SLC25A48: variants seen among roughly 807,000 people sequenced by gnomAD.
SLC25A48 encodes solute carrier family 25 member 48.
SLC25A48 carries 29 observed loss-of-function variants against 32.2 expected under a neutral mutation model. The observed-to-expected ratio is 0.90, with a 90% confidence interval of 0.67 to 1.23. The LOEUF (loss-of-function observed/expected upper bound fraction) is 1.23. SLC25A48 is among the 50% of genes most tolerant of loss of function. The pLI is 0.00. For missense variants in SLC25A48, 399 were observed against 422.7 expected (o/e 0.94, Z 0.49); for synonymous variants, 164 against 172.3 (o/e 0.95, Z 0.38).
At chr5:135,667,324 T>A (rs540049431) in intron 3 of SLC25A48, among the ~76,000 whole-genome samples, 3 of 152,350 alleles carry the variant, frequency 2.0e-5, no homozygotes, top group African/African-American at 7.2e-5. Flanking sequence ...ATTGCCTGCG[T>A]GTCCTGCAAA....
intron 1 of SLC25A48, among the ~76,000 whole-genome samples, chr5:135,623,237 C>A (rs901383576): frequency 2.0e-5 from 3 of 152,126 alleles, no homozygotes; most frequent in African/African-American, 7.2e-5. Context: ...CTTGGGAAGC[C>A]CTGAGGTTGC....
intron 1 of SLC25A48, among the ~76,000 whole-genome samples, chr5:135,607,540 C>T (rs1751967237): frequency 6.6e-6 from 1 of 152,142 alleles, no homozygotes; most frequent in South Asian, 2.1e-4. Context: ...AAACTTTACT[C>T]TAGAATGAGA....
intron 3 of SLC25A48, among the ~76,000 whole-genome samples, chr5:135,762,716 T>C (rs188235343): frequency 0.017 from 2,662 of 152,180 alleles, 63 homozygotes; most frequent in African/African-American, 0.051. Context: ...TGTGTGCGTG[T>C]GTAAGTTGAA....
rs147072124 is a variant in SLC25A48, at chr5:135,713,000, C to T, written c.-521+78044C>T. Among the ~76,000 whole-genome samples the T allele has an allele frequency of 2.3e-3, 353 of 152,300 alleles. 2 individuals are homozygous for T. The highest frequency in any genetic ancestry group is 8.3e-3 in the African/African-American group (343 of 41,540). ...TTATCCATCCTATGTTCCCCTTCTG[C>T]CAAATTCTGCAATCAGCTGATCTGA... On this transcript the variant is annotated intron_variant, in intron 3 of 10. Transcript: ENST00000646290.
chr5:135,690,551 C>G (rs1053736153), intron 3 of SLC25A48, among the ~76,000 whole-genome samples: 6 of 152,324 alleles, frequency 3.9e-5, no homozygotes, highest in African/African-American at 1.2e-4. Context: ...TTAGCTACTG[C>G]TCTGCTATGA....
rs1276360087 is a variant in SLC25A48, at chr5:135,629,023, A to C, written c.-848-214A>C. Among the ~76,000 whole-genome samples the C allele has an allele frequency of 2.0e-5, 3 of 152,212 alleles. No individual in the cohort carries two copies. Among genetic ancestry groups the C allele is most frequent in the Admixed American group, 2.0e-4 (3 of 15,286 alleles). Reference sequence around the variant, plus strand: ...TGGTGCTAGGTTAATTTCCAGAATTAGGCTACAGTCCCTTTTCATAAATTC... The same window carrying C: ...TGGTGCTAGGTTAATTTCCAGAATTCGGCTACAGTCCCTTTTCATAAATTC... On this transcript the variant is annotated intron_variant, in intron 1 of 10. Coordinates refer to the SLC25A48 transcript ENST00000646290. This position sits in a 1 kb window ranked among gnomAD's most constrained non-coding sequence, Gnocchi z 4.8.
Position 135,733,237 on chromosome 5 carries a change from C to T in SLC25A48, c.-520-79286C>T, listed in dbSNP as rs577819536. On this transcript the variant is annotated intron_variant, in intron 3 of 10. Coordinates refer to the SLC25A48 transcript ENST00000646290. ...ATACTATAGCATAGCCTGCCTTTGC[C>T]GGTGAGTGGCGATTAGGCCTGGTGG... Among the ~76,000 whole-genome samples, 383 of 152,226 alleles carry T rather than the reference C, an allele frequency of 2.5e-3. 1 individual carries two copies. Among genetic ancestry groups the T allele is most frequent in the African/African-American group, 7.9e-3 (330 of 41,532 alleles).
At chr5:135,761,032 G>C (rs927910941) in intron 3 of SLC25A48, among the ~76,000 whole-genome samples, 5 of 152,218 alleles carry the variant, frequency 3.3e-5, no homozygotes, top group South Asian at 2.1e-4. Flanking sequence ...AGGCATGGTG[G>C]CTCATTCCTG....
intron 3 of SLC25A48, among the ~76,000 whole-genome samples, chr5:135,718,371 T>A (rs1287268177): frequency 1.3e-5 from 2 of 152,164 alleles, no homozygotes; most frequent in Non-Finnish European, 2.9e-5. Flanking sequence ...GTGAGGACTG[T>A]GGTAAAGATG....
intron 4 of SLC25A48, among the ~76,000 whole-genome samples, chr5:135,869,969 C>A (rs4246807): frequency 0.013 from 2,006 of 152,100 alleles, 51 homozygotes; most frequent in African/African-American, 0.046. Flanking sequence ...TTCCCAGGCA[C>A]GCAGAAACCA....
chr5:135,884,414 T>G (rs1484370505), intron 7 of SLC25A48, among the ~76,000 whole-genome samples: 1 of 152,194 alleles, frequency 6.6e-6, no homozygotes, highest in Admixed American at 6.5e-5. Flanking sequence ...GTCCCCTGGG[T>G]ATCTCTGCAA....
At chr5:135,856,928 C>T (rs558307334) in intron 4 of SLC25A48, among the ~76,000 whole-genome samples, 1 of 152,224 alleles carries the variant, frequency 6.6e-6, no homozygotes, top group South Asian at 2.1e-4. Context: ...CGTCTTAAAA[C>T]TGTTTGGGGT....
chr5:135,778,835 A>ACCCCCCCCC (rs1440052779), intron 3 of SLC25A48, among the ~76,000 whole-genome samples: 12 of 114,714 alleles, frequency 1.0e-4, no homozygotes, highest in South Asian at 3.0e-4. Flanking sequence ...AGTGGTGTAC[A>ACCCCCCCCC]CACACCCCCC....
Position 135,626,138 on chromosome 5 carries a change from C to T in SLC25A48, c.-848-3099C>T, listed in dbSNP as rs527823712. On this transcript the variant is annotated intron_variant, in intron 1 of 10. Transcript: ENST00000646290. ...CATGGCGAGGCTGGGACGCCAAGGG[C>T]CTGAGTCTGCATGGTCAGTCCTGCC... Among the ~76,000 whole-genome samples the T allele has an allele frequency of 3.9e-5, 6 of 152,350 alleles. No individual in the cohort carries two copies. The South Asian group carries it at 1.0e-3, about 26-fold the overall frequency.
Position 135,621,071 on chromosome 5 carries a change from A to G in SLC25A48, c.-848-8166A>G, listed in dbSNP as rs141797745. On this transcript the variant is annotated intron_variant, in intron 1 of 10. Coordinates refer to the SLC25A48 transcript ENST00000646290. The stretch of plus-strand genomic sequence containing the variant: ...AGATGCATCTAGTCAGCCATCTTGA[A>G]GCCCCTTCTAGGACTGAGTATTTTG... 5.3e-5 allele frequency among the ~76,000 whole-genome samples: 8 copies of G among 152,310 alleles called. No homozygotes were observed. In the East Asian group the frequency reaches 1.5e-3, roughly 29 times the overall value.
chr5:135,669,249 C>T (rs1753596805), intron 3 of SLC25A48, among the ~76,000 whole-genome samples: 1 of 152,154 alleles, frequency 6.6e-6, no homozygotes, highest in East Asian at 1.9e-4. Flanking sequence ...CATTCAGCCT[C>T]TGTCATGCAT....
chr5:135,722,495 ATTT>A (rs1172569042), intron 3 of SLC25A48, among the ~76,000 whole-genome samples: 1 of 152,150 alleles, frequency 6.6e-6, no homozygotes, highest in Admixed American at 6.5e-5. Flanking sequence ...ACGTGTTTAC[ATTT>A]TTTATTATGG....
intron 1 of SLC25A48, among the ~76,000 whole-genome samples, chr5:135,612,335 C>CCCAA (rs142302829): frequency 1.1e-4 from 16 of 152,108 alleles, no homozygotes; most frequent in Non-Finnish European, 2.1e-4. Context: ...ATGATCAAAT[C>CCCAA]AGTGTTGTTG....
chr5:135,771,998 C>A (rs1472084727), intron 3 of SLC25A48, among the ~76,000 whole-genome samples: 1 of 150,354 alleles, frequency 6.7e-6, no homozygotes, highest in Non-Finnish European at 1.5e-5. Flanking sequence ...ATCATGGGGG[C>A]TGTACACTCC....
Sources: gnomAD v4.1 joint callset for allele counts (sites outside exome capture counted in the v4.1 genomes callset) on GRCh38, gnomAD v4.1.1 for gene constraint, Gnocchi (gnomAD v3.1) non-coding constraint, MANE v1.5 for transcripts, NCBI Gene and HGNC (gene_info 2026-07-23, HGNC 2026-07-21) for gene names.